The following CUL1 variants were observed in gnomAD, a reference collection of about 807,000 sequenced individuals.
CUL1 encodes cullin 1, also known as cullin-1.
Under a neutral mutation model 118.0 loss-of-function variants are expected in CUL1, and 24 were observed. The observed-to-expected ratio is 0.20, with a 90% CI of 0.15 to 0.29. The LOEUF (loss-of-function observed/expected upper bound fraction) is 0.29. CUL1 is among the 10% of genes least tolerant of loss of function. CUL1 has a pLI of 1.00. For missense variants in CUL1, 361 were observed against 933.8 expected (o/e 0.39, Z 7.99); for synonymous variants, 332 against 340.4 (o/e 0.98, Z 0.27).
chr7:148,763,632 T>G (rs570576193), intron 7 of CUL1, among the ~76,000 whole-genome samples: 1 of 152,320 alleles, frequency 6.6e-6, no homozygotes, highest in South Asian at 2.1e-4. Context: ...AGGTATTTAT[T>G]TGTTAAAAGG....
chr7:148,792,359 A>C (rs1003149152), intron 16 of CUL1, among the ~76,000 whole-genome samples: 1 of 152,214 alleles, frequency 6.6e-6, no homozygotes, highest in Non-Finnish European at 1.5e-5. Flanking sequence ...ATGTGCCAAA[A>C]ACAGATTTGG....
chr7:148,702,865 CTG>C (rs1797763016), intron 1 of CUL1, among the ~76,000 whole-genome samples: 1 of 152,194 alleles, frequency 6.6e-6, no homozygotes, highest in Non-Finnish European at 1.5e-5. Flanking sequence ...GACAGGGACA[CTG>C]TGATATGCAT....
At chr7:148,780,337 G>A (rs1436170000) in intron 9 of CUL1, among the ~76,000 whole-genome samples, 1 of 152,230 alleles carries the variant, frequency 6.6e-6, no homozygotes, top group Non-Finnish European at 1.5e-5. Context: ...ACTGAATGAT[G>A]AGTACATGGG....
At chr7:148,764,292 C>T (rs1343293095) in intron 7 of CUL1, among the ~76,000 whole-genome samples, 1 of 152,200 alleles carries the variant, frequency 6.6e-6, no homozygotes, top group African/African-American at 2.4e-5. Flanking sequence ...CAGTGATGAT[C>T]AGGAGCCTAT....
rs567494796 is a variant in CUL1 at position 148,699,979 on chromosome 7, A to G, written c.-162+950A>G. On this transcript the variant is annotated intron_variant, in intron 1 of 21. Transcript: ENST00000325222. Reference sequence around the variant, plus strand: ...CCGTGCAGTATTGTGTAGCGCAGACATAAGATAAGAAAGAGAGGAATGCTT... The same window carrying G: ...CCGTGCAGTATTGTGTAGCGCAGACGTAAGATAAGAAAGAGAGGAATGCTT... Among the ~76,000 whole-genome samples, 4 of 152,168 alleles carry G rather than the reference A, an allele frequency of 2.6e-5. No homozygotes were observed. The South Asian group carries it at 8.3e-4, about 32-fold the overall frequency.
intron 1 of CUL1, among the ~76,000 whole-genome samples, chr7:148,729,527 G>C (rs542544028): frequency 1.6e-4 from 24 of 152,280 alleles, no homozygotes; most frequent in Admixed American, 1.2e-3. Flanking sequence ...TGAGTTCTAA[G>C]TGAAGAGCTA....
intron 19 of CUL1, among the ~76,000 whole-genome samples, chr7:148,798,369 A>T (rs962800600): frequency 8.5e-5 from 13 of 152,090 alleles, no homozygotes; most frequent in African/African-American, 2.7e-4. Flanking sequence ...TGTCCCTGTT[A>T]ATGGCCGAGT....
At chr7:148,791,742 G>A (rs185817586) in intron 16 of CUL1, among the ~76,000 whole-genome samples, 14 of 152,388 alleles carry the variant, frequency 9.2e-5, no homozygotes, top group Middle Eastern at 3.4e-3. Flanking sequence ...AGGTCTTGCC[G>A]AGAGGCAAGC....
rs867706180 is a variant in CUL1 at position 148,745,305 on chromosome 7, C to T, written c.141-8671C>T. The stretch of plus-strand genomic sequence containing the variant: ...ATAATAGTTGCTTTAGAGTCTTTGT[C>T]TCCTAATTCCAACATTTGGGTCAAC... On this transcript the variant is annotated intron_variant, in intron 2 of 21. Coordinates refer to ENST00000325222, the MANE Select transcript of CUL1 (RefSeq NM_003592.3). Among the ~76,000 whole-genome samples, 9 of 152,156 alleles carry T rather than the reference C, an allele frequency of 5.9e-5. 1 individual carries two copies. The South Asian group carries it at 1.9e-3, about 32-fold the overall frequency.
chr7:148,745,865 C>T (rs1799296376), intron 2 of CUL1, among the ~76,000 whole-genome samples: 1 of 152,034 alleles, frequency 6.6e-6, no homozygotes, highest in Non-Finnish European at 1.5e-5. Context: ...CTTGTTTCAT[C>T]TCTTCAATTT....
chr7:148,741,783 A>G (rs954646978), intron 2 of CUL1, among the ~76,000 whole-genome samples: 18 of 152,158 alleles, frequency 1.2e-4, no homozygotes, highest in African/African-American at 4.1e-4. Context: ...CACGTTGGCC[A>G]GGCTGGTCTC....
chr7:148,709,708 T>TAGGCTG (rs1447641208), intron 1 of CUL1, among the ~76,000 whole-genome samples: 4 of 152,172 alleles, frequency 2.6e-5, no homozygotes, highest in Non-Finnish European at 5.9e-5. Flanking sequence ...GTGAAGACTA[T>TAGGCTG]GGTATTGTCC....
intron 1 of CUL1, among the ~76,000 whole-genome samples, chr7:148,713,468 A>C (rs1798115218): frequency 6.6e-6 from 1 of 152,220 alleles, no homozygotes; most frequent in Non-Finnish European, 1.5e-5. Context: ...TGTTGACTTA[A>C]TTAAGATTCA....
At chr7:148,735,368 G>C (rs1484493950) in intron 2 of CUL1, among the ~76,000 whole-genome samples, 2 of 152,204 alleles carry the variant, frequency 1.3e-5, no homozygotes, top group East Asian at 3.8e-4. Context: ...TCCCGTCTTG[G>C]CTGCCGCCAC....
intron 17 of CUL1, 27 bp from the exon 18 acceptor site, chr7:148,797,785 A>G: frequency 1.9e-6 from 3 of 1,599,656 alleles, no homozygotes; most frequent in Non-Finnish European, 2.6e-6. Context: ...TTTCCCTTTA[A>G]CTTCCTCTTT....
rs772992276 is a variant in CUL1 at position 148,783,617 on chromosome 7, G to C, written c.1084-166G>C. ...TATATATAAACAAAATGTCCTATGT[G>C]TTTCAACGATGGTACCAAAAGTATT... On this transcript the variant is annotated intron_variant, in intron 9 of 21. Transcript: ENST00000325222. 2.6e-6 allele frequency: 4 copies of C among 1,532,428 alleles called. No homozygotes were observed. The Admixed American group carries it at 7.9e-5, about 30-fold the overall frequency. 94.9% of individuals were successfully genotyped at this position (1,532,428 alleles called of 1,614,324 possible). A position where few individuals can be genotyped will look rare whatever the true frequency, so the allele number is the denominator to read the frequency against.
At chr7:148,764,773 A>G (rs1446289654) in intron 7 of CUL1, among the ~76,000 whole-genome samples, 1 of 152,246 alleles carries the variant, frequency 6.6e-6, no homozygotes, top group Non-Finnish European at 1.5e-5. Flanking sequence ...CAGAAAAACA[A>G]AATTACACAT....
chr7:148,735,275 G>T (rs1798901608), intron 2 of CUL1, among the ~76,000 whole-genome samples: 1 of 152,238 alleles, frequency 6.6e-6, no homozygotes, highest in Non-Finnish European at 1.5e-5. Context: ...CTGAGCCCTT[G>T]GAGCCTGCGG....
chr7:148,777,660 C>T (rs6958001), intron 9 of CUL1, among the ~76,000 whole-genome samples: 4,337 of 152,170 alleles, frequency 0.029, 205 homozygotes, highest in African/African-American at 0.1. Flanking sequence ...TCCTACGTGC[C>T]CCTGAAATCC....
Sources: allele counts gnomAD v4.1 joint callset (sites outside exome capture counted in the v4.1 genomes callset), GRCh38; gene constraint gnomAD v4.1.1; transcripts MANE v1.5; gene names NCBI Gene and HGNC (gene_info 2026-07-23, HGNC 2026-07-21).